Variants in NPAS2 observed in about 807,000 individuals in gnomAD.
The protein encoded by NPAS2 is neuronal PAS domain protein 2.
A neutral mutation model predicts 107.5 loss-of-function variants in NPAS2; 23 were observed. That is an observed-to-expected ratio of 0.21 (90% confidence interval 0.15 to 0.30). The LOEUF (loss-of-function observed/expected upper bound fraction) is 0.30, where lower values mean the gene tolerates loss of function less well. Among genes scored for constraint, NPAS2 ranks in the 10% least tolerant of loss-of-function variants. The probability of loss-of-function intolerance (pLI) is 1.00; values close to 1 mark genes in which losing one functional copy is unlikely to be tolerated. For missense variants in NPAS2, 756 were observed against 1,043.3 expected (o/e 0.72, Z 3.79); for synonymous variants, 403 against 417.5 (o/e 0.97, Z 0.42).
Position 100,996,568 on chromosome 2 carries a change from C to T in NPAS2, c.*986C>T. 1 of 152,710 alleles carries T rather than the reference C, an allele frequency of 6.5e-6. No homozygotes were observed. Among genetic ancestry groups the T allele is most frequent in the Non-Finnish European group, 1.5e-5 (1 of 68,030 alleles). 9.5% of individuals were successfully genotyped at this position (152,710 alleles called of 1,614,324 possible). ...GAATTGGATTTTCCTTTTCAAAATG[C>T]ACTTTGCTTTTTTTGTATGTTTTGT... On this transcript the variant is annotated 3_prime_UTR_variant, in exon 21 of 21. Coordinates refer to ENST00000335681, the MANE Select transcript of NPAS2 (RefSeq NM_002518.4).
Position 100,829,982 on chromosome 2 carries a change from A to G in NPAS2, c.-23+9568A>G, listed in dbSNP as rs1239211510. On this transcript the variant is annotated intron_variant, in intron 1 of 20. Transcript: ENST00000335681. ...TAGGAAAGGAAAAGGCAAGATGACA[A>G]AAGAAAAAACCTTCTCAGAGTCAAC... Among the ~76,000 whole-genome samples, 3 of 152,182 alleles carry G rather than the reference A, an allele frequency of 2.0e-5. No individual in the cohort carries two copies. In the South Asian group the frequency reaches 6.2e-4, roughly 32 times the overall value.
At chr2:100,913,747 T>C (rs1487935660) in intron 2 of NPAS2, among the ~76,000 whole-genome samples, 1 of 152,200 alleles carries the variant, frequency 6.6e-6, no homozygotes, top group East Asian at 1.9e-4. Flanking sequence ...CATAGGACTT[T>C]TGGTGATGTA....
At position 100,917,387 on chromosome 2, in the gene NPAS2, G is replaced by A. The variant is rs559823006; in HGVS notation, c.33-7759G>A. Among the ~76,000 whole-genome samples the A allele has an allele frequency of 5.9e-5, 9 of 152,190 alleles. 1 individual carries two copies. The East Asian group carries it at 1.5e-3, about 26-fold the overall frequency. The stretch of plus-strand genomic sequence containing the variant: ...TACTAAAAATACAAAAATTAGCCAG[G>A]CGTGGTGGCGGGCACCTGTAATTCC... On this transcript the variant is annotated intron_variant, in intron 2 of 20. Transcript: ENST00000335681.
At chr2:100,941,170 A>G (rs1244714439) in intron 5 of NPAS2, among the ~76,000 whole-genome samples, 1 of 152,252 alleles carries the variant, frequency 6.6e-6, no homozygotes, top group African/African-American at 2.4e-5. Context: ...CTCATGTGAT[A>G]GATTTTCGTA....
At chr2:100,888,160 G>A (rs901313151) in intron 1 of NPAS2, among the ~76,000 whole-genome samples, 11 of 152,128 alleles carry the variant, frequency 7.2e-5, no homozygotes, top group African/African-American at 2.7e-4. Flanking sequence ...GAATTATTGC[G>A]GGAACCAATG....
At chr2:100,850,830 G>A (rs1678121515) in intron 1 of NPAS2, among the ~76,000 whole-genome samples, 1 of 151,838 alleles carries the variant, frequency 6.6e-6, no homozygotes, top group Non-Finnish European at 1.5e-5. Flanking sequence ...GTGGGTGCCT[G>A]TAATCCCAGC....
intron 1 of NPAS2, among the ~76,000 whole-genome samples, chr2:100,869,964 G>T (rs1358904568): frequency 6.8e-6 from 1 of 146,874 alleles, no homozygotes; most frequent in Non-Finnish European, 1.5e-5. Flanking sequence ...GAGTGCAGTG[G>T]CACGATCTTG....
intron 9 of NPAS2, 42 bp downstream of exon 9, chr2:100,964,985 A>G: frequency 7.4e-7 from 1 of 1,358,812 alleles, no homozygotes. Flanking sequence ...GCCCTTCTCA[A>G]GTCTTGTTTG....
chr2:100,904,131 T>C (rs1681978245), intron 1 of NPAS2, among the ~76,000 whole-genome samples: 1 of 152,084 alleles, frequency 6.6e-6, no homozygotes, highest in African/African-American at 2.4e-5. Flanking sequence ...TCAGAGGAGC[T>C]TGTGTGGTTT....
chr2:100,914,182 A>C (rs189786459), intron 2 of NPAS2, among the ~76,000 whole-genome samples: 34 of 152,216 alleles, frequency 2.2e-4, no homozygotes, highest in Admixed American at 2.0e-3. Context: ...TGTGTGTGTG[A>C]CACTTTGCCT....
At chr2:100,987,958 G>A in intron 16 of NPAS2, 121 bp from the exon 17 acceptor site, 1 of 1,055,706 alleles carries the variant, frequency 9.5e-7, no homozygotes, top group Non-Finnish European at 1.4e-6. Flanking sequence ...TGGAGTAAAT[G>A]AACTATTTCT....
chr2:100,977,793 G>A lies in NPAS2; in HGVS notation c.1476G>A (p.Met492Ile). Residue 492 changes from methionine (M) to isoleucine (I), a missense_variant, in exon 15 of 21, where the codon ATG (methionine) becomes ATA (isoleucine). Met to Ile is a conservative substitution (Grantham distance 10). This residue lies in a region of NPAS2 where 496 missense variants were observed against 594.4 expected (regional missense o/e 0.83). Transcript: ENST00000335681. ...QTVLQSTPAP[M>I]AQFSAQFSMF... ...TTCTGCAGAGCACGCCCGCTCCCATGGCACAGGTGAGTCTGGGACCCAGGA... is the reference window on the plus strand; with the variant it reads ...TTCTGCAGAGCACGCCCGCTCCCATAGCACAGGTGAGTCTGGGACCCAGGA... 1 of 1,613,946 alleles carries A rather than the reference G, an allele frequency of 6.2e-7. No individual in the cohort carries two copies. Among genetic ancestry groups the A allele is most frequent in the Non-Finnish European group, 8.5e-7 (1 of 1,179,954 alleles).
rs756405653 is a variant in NPAS2 at position 100,937,819 on chromosome 2, A to G, written c.340A>G (p.Thr114Ala). The G allele has an allele frequency of 6.2e-7, 1 of 1,613,980 alleles. No individual in the cohort carries two copies. Among genetic ancestry groups the G allele is most frequent in the South Asian group, 1.1e-5 (1 of 91,078 alleles). ...GSIIYVSDSI[T>A]PLLGHLPSDV... ...CATCATCTATGTCTCTGACAGTATC[A>G]CGCCTCTCCTTGGGCATTTACCGGT... The change falls in exon 5 of 21, where the codon ACG becomes GCG. Residue 114 changes from threonine (T) to alanine (A), a missense_variant. Thr to Ala is a moderately conservative substitution (Grantham distance 58). Transcript: ENST00000335681.
chr2:100,897,260 A>AC (rs887589928), intron 1 of NPAS2, among the ~76,000 whole-genome samples: 2 of 152,146 alleles, frequency 1.3e-5, no homozygotes, highest in African/African-American at 4.8e-5. Flanking sequence ...ACACAGCCAA[A>AC]CCATATCATA....
intron 2 of NPAS2, among the ~76,000 whole-genome samples, chr2:100,917,299 A>G (rs12993686): frequency 6.6e-6 from 1 of 152,270 alleles, no homozygotes; most frequent in African/African-American, 2.4e-5. Context: ...GGCCAAGGTA[A>G]GGGGATCATT....
intron 1 of NPAS2, among the ~76,000 whole-genome samples, chr2:100,865,389 G>A (rs1165475481): frequency 6.6e-6 from 1 of 152,084 alleles, no homozygotes; most frequent in Non-Finnish European, 1.5e-5. Flanking sequence ...ACTCCTGTCT[G>A]CTTGTGTGGA....
chr2:100,978,260 G>T (rs35266882), intron 15 of NPAS2, among the ~76,000 whole-genome samples: 30 of 152,058 alleles, frequency 2.0e-4, no homozygotes, highest in Admixed American at 3.9e-4. Flanking sequence ...ACGATATTTG[G>T]TTTTCCATTT....
intron 3 of NPAS2, among the ~76,000 whole-genome samples, chr2:100,927,842 A>C (rs1683685479): frequency 6.6e-6 from 1 of 152,230 alleles, no homozygotes; most frequent in Admixed American, 6.5e-5. Context: ...AGGATGTTAC[A>C]AAAAGTCACA....
intron 16 of NPAS2, chr2:100,986,409 T>C (rs1292055684): frequency 6.6e-6 from 1 of 152,256 alleles, no homozygotes; most frequent in Non-Finnish European, 1.5e-5. Flanking sequence ...ACTCAGCAGA[T>C]GTCAGCCTGT....
Sources: gnomAD v4.1 joint callset for allele counts (sites outside exome capture counted in the v4.1 genomes callset) on GRCh38, gnomAD v4.1.1 for gene constraint, gnomAD v4.1.1 regional missense constraint, MANE v1.5 for transcripts, NCBI Gene and HGNC (gene_info 2026-07-23, HGNC 2026-07-21) for gene names.